The following ZNF324 variants were observed in gnomAD, a reference collection of about 807,000 sequenced individuals.
ZNF324 encodes zinc finger protein 324A.
ZNF324 carries 3 observed loss-of-function variants against 10.3 expected under a neutral mutation model. That is an observed-to-expected ratio of 0.29 (90% CI 0.13 to 0.75). The LOEUF is 0.75. Ranked by LOEUF, ZNF324 falls within the 30% of genes least tolerant of loss-of-function variation. The pLI, the probability that ZNF324 is intolerant of heterozygous loss-of-function variation, is 0.69. For missense variants in ZNF324, 763 were observed against 784.4 expected (o/e 0.97, Z 0.33); for synonymous variants, 430 against 339.5 (o/e 1.27, Z -2.93).
intron 3 of ZNF324, 46 bp from the exon 4 acceptor site, chr19:58,470,685 C>T: frequency 6.2e-7 from 1 of 1,612,620 alleles, no homozygotes; most frequent in Non-Finnish European, 8.5e-7. Context: ...CCCTGGTCCT[C>T]TCCTAACCAG....
At position 58,469,762 on chromosome 19, in the gene ZNF324, A is replaced by G. The variant is rs138005035; in HGVS notation, c.156A>G (p.Gln52=). ...LSTSRPRVVI[Q]LERGEEPWVP... is the part of the protein sequence containing the mutation. ...CCTCTCGACCTCGTGTGGTCATCCA[A>G]CTGGAGCGTGGCGAGGAGCCCTGGG... The change falls in exon 3 of 4, where the codon CAA becomes CAG. Residue 52 remains glutamine, a synonymous_variant. Coordinates refer to ENST00000196482, the MANE Select transcript of ZNF324 (RefSeq NM_014347.3). 4.4e-5 allele frequency: 70 copies of G among 1,591,392 alleles called. 3 individuals are homozygous for G. The African/African-American group carries it at 6.2e-4, about 14-fold the overall frequency.
Position 58,467,128 on chromosome 19 carries a change from C to T in ZNF324, c.-62C>T, listed in dbSNP as rs1201182276. ...CACCGGTGGTCTGGGCTGGGGACCG[C>T]GGGTCGGGTCCGGTTTCCAGGGGGT... On this transcript the variant is annotated 5_prime_UTR_variant, in exon 1 of 4. Transcript: ENST00000196482. 5.7e-6 allele frequency: 1 copy of T among 174,482 alleles called. No homozygotes were observed. The highest frequency in any genetic ancestry group is 1.7e-3 in the Middle Eastern group (1 of 576). 10.8% of individuals were successfully genotyped at this position (174,482 alleles called of 1,614,324 possible). A position where few individuals can be genotyped will look rare whatever the true frequency, so the allele number is the denominator to read the frequency against.
Position 58,471,654 on chromosome 19 carries a change from G to A in ZNF324, c.1162G>A (p.Glu388Lys), listed in dbSNP as rs150664703. ...FCRNSHLIQH[E>K]RTHTGEKPFV... is the part of the protein sequence containing the mutation. ...CCGCAACTCGCACCTGATCCAGCACGAGCGTACGCACACAGGCGAGAAGCC... is the reference window on the plus strand; with the variant it reads ...CCGCAACTCGCACCTGATCCAGCACAAGCGTACGCACACAGGCGAGAAGCC... The change falls in exon 4 of 4, where the codon GAG (glutamate) becomes AAG (lysine). Residue 388 changes from glutamate to lysine, a missense_variant. Physicochemically the swap from Glu to Lys is moderately conservative, Grantham distance 56 (BLOSUM62 1). Transcript: ENST00000196482. The A allele has an allele frequency of 4.4e-5, 71 of 1,611,674 alleles. No individual in the cohort carries two copies. The highest frequency in any genetic ancestry group is 7.7e-5 in the South Asian group (7 of 91,056).
In ZNF324 at chr19:58,472,576, C is replaced by A; in HGVS notation, c.*422C>A. 1 of 170,464 alleles carries A rather than the reference C, an allele frequency of 5.9e-6. No individual in the cohort carries two copies. Among genetic ancestry groups the A allele is most frequent in the Non-Finnish European group, 1.3e-5 (1 of 79,956 alleles). The allele number at this position is 170,464 out of a possible 1,614,324, so 10.6% of individuals were successfully genotyped here. A position where few individuals can be genotyped will look rare whatever the true frequency, so the allele number is the denominator to read the frequency against. On this transcript the variant is annotated 3_prime_UTR_variant, in exon 4 of 4. Transcript: ENST00000196482. ...ACAAACTGGCCGCTGGAGAGATGCC[C>A]GCTGAGGGTATTCTCCCCTCAACCC...
intron 3 of ZNF324, 176 bp from the exon 4 acceptor site, chr19:58,470,555 T>G: frequency 1.3e-6 from 1 of 771,862 alleles, no homozygotes; most frequent in Non-Finnish European, 2.3e-6. Flanking sequence ...GTGCCATACC[T>G]ATCAGGGCAG....
rs1013719297 is a variant in ZNF324, at chr19:58,468,212, G to T, written c.-6-968G>T. 4 of 985,276 alleles carry T rather than the reference G, an allele frequency of 4.1e-6. No homozygotes were observed. The African/African-American group carries it at 5.2e-5, about 13-fold the overall frequency. The allele number at this position is 985,276 out of a possible 1,614,324, so 61.0% of individuals were successfully genotyped here. On this transcript the variant is annotated intron_variant, in intron 1 of 3. Transcript: ENST00000196482. ...GGTTGGTCATGTCACTGGACCTGACGTTGTTGGCGTCCTGGGCTGTGGACA... is the reference window on the plus strand; with the variant it reads ...GGTTGGTCATGTCACTGGACCTGACTTTGTTGGCGTCCTGGGCTGTGGACA...
chr19:58,474,715 C>G lies in ZNF324; in HGVS notation c.*2561C>G, dbSNP rs2053066317. The stretch of plus-strand genomic sequence containing the variant: ...AAAAGGTCAGACTGAACACATGCAT[C>G]TCACTGGGCTCAGAAATCCACTGAA... On this transcript the variant is annotated 3_prime_UTR_variant, in exon 4 of 4. Coordinates refer to ENST00000196482, the MANE Select transcript of ZNF324 (RefSeq NM_014347.3). 6.6e-6 allele frequency: 1 copy of G among 152,222 alleles called. No individual in the cohort carries two copies. The highest frequency in any genetic ancestry group is 2.4e-5 in the African/African-American group (1 of 41,416). 9.4% of individuals were successfully genotyped at this position (152,222 alleles called of 1,614,324 possible). A position where few individuals can be genotyped will look rare whatever the true frequency, so the allele number is the denominator to read the frequency against.
Position 58,471,668 on chromosome 19 carries a change from A to T in ZNF324, c.1176A>T (p.Thr392=). 1.2e-6 allele frequency: 2 copies of T among 1,612,428 alleles called. No individual in the cohort carries two copies. Among genetic ancestry groups the T allele is most frequent in the Admixed American group, 3.3e-5 (2 of 60,010 alleles). The change falls in exon 4 of 4, where the codon ACA becomes ACT. Residue 392 remains threonine (T), a synonymous_variant. Transcript: ENST00000196482. The part of the protein sequence containing the change: ...SHLIQHERTH[T]GEKPFVCALC... Reference sequence around the variant, plus strand: ...TGATCCAGCACGAGCGTACGCACACAGGCGAGAAGCCCTTCGTGTGCGCGC... The same window carrying T: ...TGATCCAGCACGAGCGTACGCACACTGGCGAGAAGCCCTTCGTGTGCGCGC...
In ZNF324 at chr19:58,474,921, A is replaced by G. The variant is rs2053068050; in HGVS notation, c.*2767A>G. 1 of 152,290 alleles carries G rather than the reference A, an allele frequency of 6.6e-6. No homozygotes were observed. Among genetic ancestry groups the G allele is most frequent in the Non-Finnish European group, 1.5e-5 (1 of 68,044 alleles). The allele number at this position is 152,290 out of a possible 1,614,324, so 9.4% of individuals were successfully genotyped here. The stretch of plus-strand genomic sequence containing the variant: ...GAGTTCCCACCAGGCTGACTCCAGA[A>G]CCGCAGAAGGCTGAGAACCAGCAGC... On this transcript the variant is annotated 3_prime_UTR_variant, in exon 4 of 4. Coordinates refer to ENST00000196482, the MANE Select transcript of ZNF324 (RefSeq NM_014347.3).
At chr19:58,469,383 G>A (rs888552694) in intron 2 of ZNF324, 77 bp downstream of exon 2, 2 of 1,567,386 alleles carry the variant, frequency 1.3e-6, no homozygotes, top group African/African-American at 2.7e-5. Context: ...CACCTCCCTG[G>A]TGGCTGACGA....
chr19:58,469,441 T>C, intron 2 of ZNF324, 135 bp downstream of exon 2: 1 of 1,239,014 alleles, frequency 8.1e-7, no homozygotes, highest in Non-Finnish European at 1.1e-6. Context: ...AGGGGTCTGG[T>C]CCTATAGACA....
Position 58,474,989 on chromosome 19 carries a change from T to A in ZNF324, c.*2835T>A, listed in dbSNP as rs2053068761. On this transcript the variant is annotated 3_prime_UTR_variant, in exon 4 of 4. Coordinates refer to ENST00000196482, the MANE Select transcript of ZNF324 (RefSeq NM_014347.3). ...ATATCAAAGCTGCCTGGGGAACAAC[T>A]ACTGAAGAAGCCCTTAACGCCCCAG... 6.6e-6 allele frequency: 1 copy of A among 152,130 alleles called. No homozygotes were observed. The highest frequency in any genetic ancestry group is 6.5e-5 in the Admixed American group (1 of 15,274). 9.4% of individuals were successfully genotyped at this position (152,130 alleles called of 1,614,324 possible).
rs1257419957 is a variant in ZNF324 at position 58,471,243 on chromosome 19, C to T, written c.751C>T (p.His251Tyr). The change falls in exon 4 of 4, where the codon CAC (histidine) becomes TAC (tyrosine). Residue 251 changes from histidine (H) to tyrosine (Y), a missense_variant. By Grantham distance (83) the His-to-Tyr change is moderately conservative (BLOSUM62 2). Around this residue, in one of 3 missense-constraint regions of ZNF324, gnomAD observed 153 missense variants for 269.0 expected, o/e 0.57. Coordinates refer to ENST00000196482, the MANE Select transcript of ZNF324 (RefSeq NM_014347.3). Reference protein sequence around the residue: ...STWDELGEALHAGEKSFECRA... With the variant: ...STWDELGEALYAGEKSFECRA... ...CTGGGACGAGCTGGGCGAGGCTCTTCACGCTGGGGAGAAGTCCTTCGAATG... is the reference window on the plus strand; with the variant it reads ...CTGGGACGAGCTGGGCGAGGCTCTTTACGCTGGGGAGAAGTCCTTCGAATG... The T allele has an allele frequency of 1.2e-6, 2 of 1,613,558 alleles. No individual in the cohort carries two copies. Among genetic ancestry groups the T allele is most frequent in the African/African-American group, 1.3e-5 (1 of 75,042 alleles).
chr19:58,468,111 T>A (rs1460337476), intron 1 of ZNF324: 1 of 825,578 alleles, frequency 1.2e-6, no homozygotes, highest in African/African-American at 1.9e-5. Context: ...AGAAGAGAGC[T>A]GCTGTAGATA....
At chr19:58,468,304 G>A (rs962749905) in intron 1 of ZNF324, 8 of 948,402 alleles carry the variant, frequency 8.4e-6, no homozygotes, top group Non-Finnish European at 1.0e-5. Flanking sequence ...TGGCTTGAGG[G>A]TAAAGAAGAC....
chr19:58,468,872 G>A (rs996975145), intron 1 of ZNF324, among the ~76,000 whole-genome samples: 2 of 152,112 alleles, frequency 1.3e-5, no homozygotes, highest in African/African-American at 2.4e-5. Context: ...AGTGTCTGAG[G>A]GACATCATGG....
chr19:58,468,293 A>G (rs2052999167), intron 1 of ZNF324: 2 of 970,988 alleles, frequency 2.1e-6, no homozygotes, highest in Middle Eastern at 5.3e-4. Context: ...GTGGGCAGTT[A>G]TGGCTTGAGG....
intron 2 of ZNF324, 122 bp downstream of exon 2, chr19:58,469,428 A>C (rs1288130612): frequency 1.5e-6 from 2 of 1,343,484 alleles, no homozygotes; most frequent in Admixed American, 4.8e-5. Context: ...AGCCATGTGG[A>C]ATAGGGGTCT....
Position 58,472,287 on chromosome 19 carries a change from T to C in ZNF324, c.*133T>C. 1.0e-6 allele frequency: 1 copy of C among 999,924 alleles called. No individual in the cohort carries two copies. The highest frequency in any genetic ancestry group is 1.4e-6 in the Non-Finnish European group (1 of 706,036). 61.9% of individuals were successfully genotyped at this position (999,924 alleles called of 1,614,324 possible). A position where few individuals can be genotyped will look rare whatever the true frequency, so the allele number is the denominator to read the frequency against. On this transcript the variant is annotated 3_prime_UTR_variant, in exon 4 of 4. Transcript: ENST00000196482. Reference sequence around the variant, plus strand: ...GACAAGGGAGGCCCTTTGGCTGTGATTTCATTTGCACGTGGGGACAGGATT... The same window carrying C: ...GACAAGGGAGGCCCTTTGGCTGTGACTTCATTTGCACGTGGGGACAGGATT...
Sources: allele counts gnomAD v4.1 joint callset (sites outside exome capture counted in the v4.1 genomes callset), GRCh38; gene constraint gnomAD v4.1.1; regional missense constraint gnomAD v4.1.1; transcripts MANE v1.5; gene names NCBI Gene and HGNC (gene_info 2026-07-23, HGNC 2026-07-21).